NCR1: variants seen among roughly 807,000 people sequenced by gnomAD.
The protein encoded by NCR1 is natural cytotoxicity triggering receptor 1.
A neutral mutation model predicts 32.5 loss-of-function variants in NCR1; 30 were observed. The ratio of observed to expected loss-of-function variants is 0.92; its 90% CI spans 0.69 to 1.25. The LOEUF is 1.25. Ranked by LOEUF, NCR1 falls within the 50% of genes most tolerant of loss-of-function variation. The pLI is 0.00. For missense variants in NCR1, 369 were observed against 380.7 expected (o/e 0.97, Z 0.26); for synonymous variants, 169 against 143.4 (o/e 1.18, Z -1.28).
downstream of NCR1, chr19:54,916,212 C>T (rs564038935): frequency 1.3e-5 from 2 of 151,656 alleles, no homozygotes; most frequent in East Asian, 1.9e-4. Context: ...TGGCTGGTAA[C>T]GGGGAGCAGG....
chr19:54,922,118 C>T, the NCR1 span, among the ~76,000 whole-genome samples: 1 of 152,016 alleles, frequency 6.6e-6, no homozygotes, highest in African/African-American at 2.4e-5. Context: ...GTCTCGAACT[C>T]CTGACCTCAG....
At chr19:54,927,817 GGT>G in the NCR1 span, 1 of 1,586,242 alleles carries the variant, frequency 6.3e-7, no homozygotes, top group South Asian at 1.1e-5. Context: ...TCACTGAGCA[GGT>G]AGTGGCTCAA....
the NCR1 span, among the ~76,000 whole-genome samples, chr19:54,898,349 G>A: frequency 6.6e-6 from 1 of 152,224 alleles, no homozygotes; most frequent in Non-Finnish European, 1.5e-5. Context: ...CTTGTAGCAA[G>A]CTCCTGGGGG....
upstream of NCR1, among the ~76,000 whole-genome samples, chr19:54,905,894 G>A (rs975399900): frequency 1.3e-5 from 2 of 152,166 alleles, no homozygotes; most frequent in Admixed American, 6.6e-5. Context: ...TCAGCTCTGG[G>A]TACGACCTCC....
chr19:54,936,948 C>T, the NCR1 span, among the ~76,000 whole-genome samples: 1 of 150,912 alleles, frequency 6.6e-6, no homozygotes, highest in Non-Finnish European at 1.5e-5. Flanking sequence ...TGTGGTGGCT[C>T]ACGCCTGTAA....
intron 3 of NCR1, 75 bp from the exon 4 acceptor site, chr19:54,909,170 T>C (rs771877249): frequency 4.5e-5 from 65 of 1,451,994 alleles, no homozygotes; most frequent in Middle Eastern, 2.0e-4. Flanking sequence ...ACTCCATCTC[T>C]AAAGAAAGAA....
chr19:54,930,835 C>T, the NCR1 span, among the ~76,000 whole-genome samples: 6 of 152,062 alleles, frequency 3.9e-5, no homozygotes, highest in Non-Finnish European at 7.4e-5. Flanking sequence ...TCTGCCTCAG[C>T]CTCCCAAGTA....
chr19:54,936,864 G>C, the NCR1 span, among the ~76,000 whole-genome samples: 1 of 151,840 alleles, frequency 6.6e-6, no homozygotes, highest in African/African-American at 2.4e-5. Flanking sequence ...GCAGTGAGCC[G>C]AGACCGCACC....
At chr19:54,934,014 T>G in the NCR1 span, among the ~76,000 whole-genome samples, 2 of 152,094 alleles carry the variant, frequency 1.3e-5, no homozygotes, top group African/African-American at 2.4e-5. The surrounding 1 kb of genome is among the most constrained non-coding windows in gnomAD (Gnocchi z 6.7). Flanking sequence ...GCGATCTCGG[T>G]TCACTGCCAA....
the NCR1 span, among the ~76,000 whole-genome samples, chr19:54,925,635 G>A: frequency 5.9e-5 from 9 of 152,132 alleles, no homozygotes; most frequent in African/African-American, 2.2e-4. Flanking sequence ...ACACAGTGCA[G>A]CAGAGCAAAA....
intron 1 of NCR1, 30 bp from the exon 2 acceptor site, chr19:54,906,269 G>A (rs747700581): frequency 1.7e-5 from 27 of 1,614,152 alleles, no homozygotes; most frequent in Non-Finnish European, 2.3e-5. Flanking sequence ...TGCCTGGGAG[G>A]CAACAGGTCT....
chr19:54,932,750 G>T, the NCR1 span, among the ~76,000 whole-genome samples: 3 of 151,900 alleles, frequency 2.0e-5, no homozygotes, highest in African/African-American at 4.8e-5. Flanking sequence ...CTGCCTCCCA[G>T]ATTCAAGCGA....
At chr19:54,915,458 T>C (rs2068113173), downstream of NCR1, among the ~76,000 whole-genome samples, 1 of 152,042 alleles carries the variant, frequency 6.6e-6, no homozygotes, top group African/African-American at 2.4e-5. Flanking sequence ...AATAGCAGCC[T>C]GGCCAACACG....
At chr19:54,927,741 G>A in the NCR1 span, 17 of 1,614,106 alleles carry the variant, frequency 1.1e-5, no homozygotes, top group Non-Finnish European at 1.4e-5. Flanking sequence ...CCAAGATGCT[G>A]ACAATAGAAA....
chr19:54,930,350 T>C, the NCR1 span: 2 of 650,820 alleles, frequency 3.1e-6, no homozygotes, highest in Non-Finnish European at 5.5e-6. Flanking sequence ...TAGAGCCAGC[T>C]ACTCAGGAGG....
At chr19:54,937,582 A>C in the NCR1 span, among the ~76,000 whole-genome samples, 1 of 149,900 alleles carries the variant, frequency 6.7e-6, no homozygotes, top group Non-Finnish European at 1.5e-5. Flanking sequence ...ACAGAGTGAA[A>C]CTCTGTCTCA....
the NCR1 span, among the ~76,000 whole-genome samples, chr19:54,898,931 G>C: frequency 6.6e-6 from 1 of 152,134 alleles, no homozygotes; most frequent in African/African-American, 2.4e-5. Flanking sequence ...TAGGGTGGAG[G>C]AGCGGAGGCT....
chr19:54,900,624 G>A, the NCR1 span, among the ~76,000 whole-genome samples: 24 of 152,182 alleles, frequency 1.6e-4, no homozygotes, highest in Middle Eastern at 3.4e-3. Flanking sequence ...CTGGTGATCC[G>A]CACACCTCGG....
At chr19:54,907,302 C>G (rs2067682340) in intron 3 of NCR1, among the ~76,000 whole-genome samples, 1 of 151,094 alleles carries the variant, frequency 6.6e-6, no homozygotes, top group Non-Finnish European at 1.5e-5. Flanking sequence ...ATCACAGGCA[C>G]CCACCACTAC....
Sources: gnomAD v4.1 joint callset for allele counts (sites outside exome capture counted in the v4.1 genomes callset) on GRCh38, gnomAD v4.1.1 for gene constraint, Gnocchi (gnomAD v3.1) non-coding constraint, MANE v1.5 for transcripts, NCBI Gene and HGNC (gene_info 2026-07-23, HGNC 2026-07-21) for gene names.